The following HECW1 variants were observed in gnomAD, a reference collection of about 807,000 sequenced individuals.
HECW1 encodes E3 ubiquitin-protein ligase HECW1.
Under a neutral mutation model 182.3 loss-of-function variants are expected in HECW1, and 61 were observed. The observed-to-expected ratio is 0.33, with a 90% CI of 0.27 to 0.41. The LOEUF (loss-of-function observed/expected upper bound fraction) is 0.41. Ranked by LOEUF, HECW1 falls within the 10% of genes least tolerant of loss-of-function variation. The pLI, the probability that HECW1 is intolerant of heterozygous loss-of-function variation, is 1.00. For missense variants in HECW1, 1,739 were observed against 2,108.9 expected (o/e 0.82, Z 3.44); for synonymous variants, 859 against 832.6 (o/e 1.03, Z -0.55).
chr7:43,519,577 C>A lies in HECW1; in HGVS notation c.4019+10456C>A, dbSNP rs148170855. Among the ~76,000 whole-genome samples the A allele has an allele frequency of 2.0e-5, 3 of 152,198 alleles. No individual in the cohort carries two copies. The South Asian group carries it at 6.2e-4, about 32-fold the overall frequency. ...ACTTTTAAAAGCTATGCTGGACTGC[C>A]GCACAAAACACCCAGGTGTGTTTAT... On this transcript the variant is annotated intron_variant, in intron 24 of 29. Coordinates refer to ENST00000395891, the MANE Select transcript of HECW1 (RefSeq NM_015052.5).
At chr7:43,214,930 T>A (rs1230873062) in intron 2 of HECW1, among the ~76,000 whole-genome samples, 1 of 152,208 alleles carries the variant, frequency 6.6e-6, no homozygotes, top group East Asian at 1.9e-4. Context: ...GGCCCATGAA[T>A]GCCTCCTCCC....
At position 43,312,103 on chromosome 7, in the gene HECW1, C is replaced by T; in HGVS notation, c.352+16C>T. The T allele has an allele frequency of 3.8e-6, 6 of 1,596,692 alleles. No individual in the cohort carries two copies. The South Asian group carries it at 5.5e-5, about 15-fold the overall frequency. ...TACCTCATTGGTGAGTAGAATGTGC[C>T]AAGTGTATTATTCATAATTCACTTT... On this transcript the variant is annotated intron_variant, in intron 4 of 29. Coordinates refer to ENST00000395891, the MANE Select transcript of HECW1 (RefSeq NM_015052.5).
chr7:43,149,148 C>T (rs1032886324), intron 2 of HECW1, among the ~76,000 whole-genome samples: 1 of 151,968 alleles, frequency 6.6e-6, no homozygotes, highest in Non-Finnish European at 1.5e-5. Context: ...AATGTATCTC[C>T]CCCTTAAATA....
intron 2 of HECW1, among the ~76,000 whole-genome samples, chr7:43,158,146 T>C (rs1482010876): frequency 2.0e-5 from 3 of 152,230 alleles, no homozygotes; most frequent in Non-Finnish European, 4.4e-5. Context: ...TACTAAATAG[T>C]ACTATTACTT....
In HECW1 at chr7:43,496,926, G is replaced by A. The variant is rs150665986; in HGVS notation, c.3437+3746G>A. ...TGAATCAGGATTGTCCCAGGGCTAT[G>A]TATGCAGTAGCAAGCGAAACAGACC... On this transcript the variant is annotated intron_variant, in intron 19 of 29. Transcript: ENST00000395891. 3.6e-3 allele frequency among the ~76,000 whole-genome samples: 545 copies of A among 152,322 alleles called. 2 individuals carry two copies. Among genetic ancestry groups the A allele is most frequent in the Admixed American group, 6.3e-3 (96 of 15,304 alleles).
chr7:43,168,991 A>G (rs1412163615), intron 2 of HECW1, among the ~76,000 whole-genome samples: 1 of 152,172 alleles, frequency 6.6e-6, no homozygotes, highest in Non-Finnish European at 1.5e-5. Flanking sequence ...GTGAGGGGTG[A>G]TTTCTTGGAG....
intron 5 of HECW1, among the ~76,000 whole-genome samples, chr7:43,342,878 C>T (rs1340036229): frequency 7.2e-6 from 1 of 138,624 alleles, no homozygotes; most frequent in African/African-American, 2.6e-5. Flanking sequence ...ACAAAAAAAT[C>T]AGCTGGTCGT....
chr7:43,223,052 T>C (rs1367635546), intron 2 of HECW1, among the ~76,000 whole-genome samples: 1 of 152,250 alleles, frequency 6.6e-6, no homozygotes, highest in Admixed American at 6.5e-5. Context: ...CTCCCCTGAC[T>C]ACTTCCTCAT....
intron 21 of HECW1, among the ~76,000 whole-genome samples, chr7:43,505,895 A>G (rs1051909318): frequency 2.0e-5 from 3 of 152,230 alleles, no homozygotes; most frequent in Admixed American, 6.5e-5. Context: ...TACCAGCATC[A>G]GTCTTCTCTA....
chr7:43,555,132 C>G (rs1211774871), intron 29 of HECW1, among the ~76,000 whole-genome samples: 1 of 152,172 alleles, frequency 6.6e-6, no homozygotes. Flanking sequence ...ATGCTGGAAC[C>G]TGGAAGTAAC....
intron 3 of HECW1, among the ~76,000 whole-genome samples, chr7:43,267,646 T>C (rs907374688): frequency 6.6e-6 from 1 of 152,022 alleles, no homozygotes; most frequent in African/African-American, 2.4e-5. Context: ...GTGGCATTGA[T>C]AAATAAATCT....
At chr7:43,278,610 T>A (rs1169042547) in intron 3 of HECW1, among the ~76,000 whole-genome samples, 1 of 152,142 alleles carries the variant, frequency 6.6e-6, no homozygotes, top group East Asian at 1.9e-4. Context: ...ATCCCCCTTT[T>A]GCCTTCTTTC....
intron 8 of HECW1, among the ~76,000 whole-genome samples, chr7:43,415,125 G>T (rs1219076812): frequency 6.9e-6 from 1 of 145,500 alleles, no homozygotes; most frequent in Admixed American, 6.9e-5. Context: ...TCCTAGTCTC[G>T]ATGGTCTTTA....
At chr7:43,282,978 C>T (rs915585482) in intron 3 of HECW1, among the ~76,000 whole-genome samples, 2 of 152,056 alleles carry the variant, frequency 1.3e-5, no homozygotes, top group East Asian at 3.9e-4. Flanking sequence ...GTTAGCTGAG[C>T]GCAGTGGCAA....
chr7:43,518,265 C>T (rs981620246), intron 24 of HECW1, among the ~76,000 whole-genome samples: 1 of 152,040 alleles, frequency 6.6e-6, no homozygotes, highest in African/African-American at 2.4e-5. Flanking sequence ...GAGGCCAAGG[C>T]GGGTGGATCA....
At chr7:43,189,350 A>C (rs1171281835) in intron 2 of HECW1, among the ~76,000 whole-genome samples, 1 of 151,694 alleles carries the variant, frequency 6.6e-6, no homozygotes, top group Non-Finnish European at 1.5e-5. Flanking sequence ...TCGCATTTCT[A>C]ATTAGCTCTC....
At chr7:43,237,176 GGT>G (rs1562715139) in intron 2 of HECW1, among the ~76,000 whole-genome samples, 2 of 136,748 alleles carry the variant, frequency 1.5e-5, no homozygotes, top group African/African-American at 3.0e-5. Flanking sequence ...TAGGTAGGTA[GGT>G]AGGTAGGTAG....
At chr7:43,137,857 GCTTT>G (rs1349759754) in intron 2 of HECW1, among the ~76,000 whole-genome samples, 1 of 151,842 alleles carries the variant, frequency 6.6e-6, no homozygotes, top group Non-Finnish European at 1.5e-5. Flanking sequence ...GCCACTTTCT[GCTTT>G]CTTTATCACC....
chr7:43,298,494 G>A (rs753564380), intron 3 of HECW1, among the ~76,000 whole-genome samples: 1 of 152,130 alleles, frequency 6.6e-6, no homozygotes, highest in African/African-American at 2.4e-5. Flanking sequence ...GCCAGCCTCC[G>A]ACTGGGGATC....
Sources: allele counts gnomAD v4.1 joint callset (sites outside exome capture counted in the v4.1 genomes callset), GRCh38; gene constraint gnomAD v4.1.1; transcripts MANE v1.5; gene names NCBI Gene and HGNC (gene_info 2026-07-23, HGNC 2026-07-21).